The following TMEM260 variants were observed in gnomAD, a reference collection of about 807,000 sequenced individuals.
TMEM260 encodes transmembrane protein 260, also known as protein O-mannosyl-transferase TMEM260.
A neutral mutation model predicts 88.9 loss-of-function variants in TMEM260; 82 were observed. That is an observed-to-expected ratio of 0.92 (90% CI 0.77 to 1.11). TMEM260 has a LOEUF of 1.11. Among genes scored for constraint, TMEM260 ranks in the 50% least tolerant of loss-of-function variants. The pLI is 0.00. For synonymous variants in TMEM260, 314 were observed against 309.3 expected (o/e 1.02, Z -0.16); for missense variants, 902 against 853.4 (o/e 1.06, Z -0.71).
At chr14:56,581,342 G>A (rs1459817991) in intron 1 of TMEM260, among the ~76,000 whole-genome samples, 1 of 152,182 alleles carries the variant, frequency 6.6e-6, no homozygotes, top group Non-Finnish European at 1.5e-5. Flanking sequence ...GATCTTTGAT[G>A]TTACATCTTC....
In TMEM260 at chr14:56,629,188, G is replaced by A. The variant is rs756739468; in HGVS notation, c.1547+3658G>A. The stretch of plus-strand genomic sequence containing the variant: ...TAGGATTACAGGCGTGAGCCACCAC[G>A]CCTGGCTGACTTTTTGTATTTCTTT... On this transcript the variant is annotated intron_variant, in intron 12 of 15. Transcript: ENST00000261556. Among the ~76,000 whole-genome samples the A allele has an allele frequency of 7.9e-5, 12 of 151,696 alleles. No homozygotes were observed. In the South Asian group the frequency reaches 1.0e-3, roughly 13 times the overall value.
intron 15 of TMEM260, among the ~76,000 whole-genome samples, chr14:56,640,158 A>T (rs1889467923): frequency 6.6e-6 from 1 of 152,230 alleles, no homozygotes; most frequent in Non-Finnish European, 1.5e-5. Context: ...TGGTTCTCCC[A>T]GTATGCAGCC....
chr14:56,624,438 G>A (rs983301346), intron 11 of TMEM260, among the ~76,000 whole-genome samples: 3 of 152,190 alleles, frequency 2.0e-5, no homozygotes. Flanking sequence ...TTCTGGTGTA[G>A]TGTCATGTGC....
Position 56,608,636 on chromosome 14 carries a change from T to TGTAGAAATAATTG in TMEM260, c.637-469_637-457dup, listed in dbSNP as rs568145096. 3.1e-4 allele frequency among the ~76,000 whole-genome samples: 47 copies of TGTAGAAATAATTG among 152,316 alleles called. 1 individual carries two copies. The East Asian group carries it at 8.7e-3, about 28-fold the overall frequency. ...ATTTCTGTGAAATGTTCAAAACGCT[T>TGTAGAAATAATTG]GTAGAAATAATTGTCAACATATAAT... On this transcript the variant is annotated intron_variant, in intron 5 of 15. Transcript: ENST00000261556.
Position 56,647,548 on chromosome 14 carries a change from AG to A in TMEM260, c.*52del. Reference sequence around the variant, plus strand: ...CATCGTTCAGCTTCCAAAATTCTGAAGTCTGGAAGTTTTTCCTTCAAGAAAA... The same window carrying A: ...CATCGTTCAGCTTCCAAAATTCTGAATCTGGAAGTTTTTCCTTCAAGAAAA... On this transcript the variant is annotated 3_prime_UTR_variant, in exon 16 of 16. Coordinates refer to ENST00000261556, the MANE Select transcript of TMEM260 (RefSeq NM_017799.4). 1 of 1,530,462 alleles carries A rather than the reference AG, an allele frequency of 6.5e-7. No homozygotes were observed. The highest frequency in any genetic ancestry group is 8.7e-7 in the Non-Finnish European group (1 of 1,148,990). The allele number at this position is 1,530,462 out of a possible 1,614,324, so 94.8% of individuals were successfully genotyped here.
downstream of TMEM260, chr14:56,649,953 GA>G: frequency 2.9e-6 from 1 of 344,664 alleles, no homozygotes; most frequent in South Asian, 2.3e-5. Context: ...AAACTGAGCT[GA>G]GATTTAGGGA....
chr14:56,619,930 A>G (rs956057069), intron 10 of TMEM260, among the ~76,000 whole-genome samples: 19 of 152,238 alleles, frequency 1.2e-4, no homozygotes, highest in African/African-American at 4.6e-4. Context: ...AATGTGGTCC[A>G]TATACACCAT....
In TMEM260 at chr14:56,638,799, G is replaced by A. The variant is rs78737547; in HGVS notation, c.1869+2201G>A. ...AGTTCAGGTGACATCAGGGAGCAGG[G>A]CAGGGCGTAGGCAATGCTATAGGAA... is the stretch of plus-strand genomic sequence containing the variant. On this transcript the variant is annotated intron_variant, in intron 15 of 15. Coordinates refer to ENST00000261556, the MANE Select transcript of TMEM260 (RefSeq NM_017799.4). Among the ~76,000 whole-genome samples, 139 of 151,838 alleles carry A rather than the reference G, an allele frequency of 9.2e-4. No individual in the cohort carries two copies. The East Asian group carries it at 0.021, about 22-fold the overall frequency.
chr14:56,625,188 G>T (rs1594866229), intron 11 of TMEM260, among the ~76,000 whole-genome samples, 194 bp from the exon 12 acceptor site: 2 of 152,270 alleles, frequency 1.3e-5, no homozygotes, highest in South Asian at 4.1e-4. Flanking sequence ...ACTGATGATA[G>T]TCATAATAAA....
chr14:56,644,269 A>T (rs527845229), intron 15 of TMEM260, among the ~76,000 whole-genome samples: 10 of 152,238 alleles, frequency 6.6e-5, no homozygotes, highest in Non-Finnish European at 1.3e-4. Context: ...CTACAAGGCT[A>T]CACTAACCAA....
At chr14:56,615,296 G>A (rs1887528649) in intron 7 of TMEM260, among the ~76,000 whole-genome samples, 1 of 152,092 alleles carries the variant, frequency 6.6e-6, no homozygotes, top group South Asian at 2.1e-4. Context: ...GACAGCTAGA[G>A]CAGAAGCTAT....
Position 56,612,299 on chromosome 14 carries a change from A to G in TMEM260, c.857+14A>G. 1 of 1,604,964 alleles carries G rather than the reference A, an allele frequency of 6.2e-7. No individual in the cohort carries two copies. The highest frequency in any genetic ancestry group is 8.5e-7 in the Non-Finnish European group (1 of 1,171,854). Reference sequence around the variant, plus strand: ...TGAAATACTGCTGTGAGTATGAAATATTTGAAACTACTTTAAAATGAATTC... The same window carrying G: ...TGAAATACTGCTGTGAGTATGAAATGTTTGAAACTACTTTAAAATGAATTC... On this transcript the variant is annotated intron_variant, in intron 7 of 15. Coordinates refer to ENST00000261556, the MANE Select transcript of TMEM260 (RefSeq NM_017799.4).
chr14:56,655,445 C>T (rs918342947), downstream of TMEM260, among the ~76,000 whole-genome samples: 4 of 151,976 alleles, frequency 2.6e-5, no homozygotes, highest in East Asian at 1.9e-4. Context: ...AAGTTTGGCA[C>T]CCCTCAAGAA....
intron 12 of TMEM260, among the ~76,000 whole-genome samples, chr14:56,628,740 GT>G (rs1231993270): frequency 6.6e-6 from 1 of 151,900 alleles, no homozygotes; most frequent in Non-Finnish European, 1.5e-5. Context: ...TAAAATAGGT[GT>G]TTTATAGACA....
chr14:56,599,854 T>C lies in TMEM260; in HGVS notation c.345-3961T>C, dbSNP rs534911364. ...AAAATGGTAGTTCAAGCATCTCAAG[T>C]TTTTTAGAGAATGTTAGAATCTATT... is the stretch of plus-strand genomic sequence containing the variant. On this transcript the variant is annotated intron_variant, in intron 3 of 15. Transcript: ENST00000261556. Among the ~76,000 whole-genome samples the C allele has an allele frequency of 3.3e-5, 5 of 152,290 alleles. No homozygotes were observed. In the South Asian group the frequency reaches 1.0e-3, roughly 32 times the overall value.
rs376820388 is a variant in TMEM260, at chr14:56,617,316, T to C, written c.1056+19T>C. 3.3e-6 allele frequency: 5 copies of C among 1,508,556 alleles called. No individual in the cohort carries two copies. Among genetic ancestry groups the C allele is most frequent in the African/African-American group, 2.8e-5 (2 of 71,720 alleles). 93.4% of individuals were successfully genotyped at this position (1,508,556 alleles called of 1,614,324 possible). On this transcript the variant is annotated intron_variant, in intron 9 of 15. Coordinates refer to ENST00000261556, the MANE Select transcript of TMEM260 (RefSeq NM_017799.4). ...GGGTGTGGTAAGTTTTACTTAGATA[T>C]ATCCTTTGACCAGAAAGTTTGTGAA...
intron 6 of TMEM260, among the ~76,000 whole-genome samples, chr14:56,610,524 G>A (rs1887193733): frequency 6.6e-6 from 1 of 152,180 alleles, no homozygotes; most frequent in Non-Finnish European, 1.5e-5. Context: ...TTACAGGCGT[G>A]AGCCACCGCG....
At position 56,648,334 on chromosome 14, in the gene TMEM260, A is replaced by G. The variant is rs772559666; in HGVS notation, c.*837A>G. 4.6e-5 allele frequency: 7 copies of G among 152,456 alleles called. No homozygotes were observed. Among genetic ancestry groups the G allele is most frequent in the Non-Finnish European group, 5.9e-5 (4 of 68,034 alleles). 9.4% of individuals were successfully genotyped at this position (152,456 alleles called of 1,614,324 possible). ...ACAAGCATCTTTTATACATATTACTAAAGAGAACATAGTAAGAAATGCAAA... is the reference window on the plus strand; with the variant it reads ...ACAAGCATCTTTTATACATATTACTGAAGAGAACATAGTAAGAAATGCAAA... On this transcript the variant is annotated 3_prime_UTR_variant, in exon 16 of 16. Coordinates refer to ENST00000261556, the MANE Select transcript of TMEM260 (RefSeq NM_017799.4).
chr14:56,604,135 C>G (rs1886748147), intron 4 of TMEM260, 143 bp downstream of exon 4: 2 of 806,222 alleles, frequency 2.5e-6, no homozygotes, highest in African/African-American at 3.6e-5. Context: ...AAAATGATCT[C>G]AGTCTTTTTT....
Sources: gnomAD v4.1 joint callset for allele counts (sites outside exome capture counted in the v4.1 genomes callset) on GRCh38, gnomAD v4.1.1 for gene constraint, MANE v1.5 for transcripts, NCBI Gene and HGNC (gene_info 2026-07-23, HGNC 2026-07-21) for gene names.